The following IL22RA1 variants were observed in gnomAD, a reference collection of about 807,000 sequenced individuals.
IL22RA1 encodes the protein interleukin 22 receptor subunit alpha 1, also known as interleukin-22 receptor subunit alpha-1.
A neutral mutation model predicts 32.8 loss-of-function variants in IL22RA1; 25 were observed. The ratio of observed to expected loss-of-function variants is 0.76; its 90% CI spans 0.55 to 1.06. The LOEUF (loss-of-function observed/expected upper bound fraction) is 1.06, where lower values mean the gene tolerates loss of function less well. IL22RA1 is among the 50% of genes least tolerant of loss of function. IL22RA1 has a pLI of 0.00. For missense variants in IL22RA1, 709 were observed against 727.4 expected (o/e 0.97, Z 0.29); for synonymous variants, 305 against 305.0 (o/e 1.00, Z 0.00).
intron 4 of IL22RA1, among the ~76,000 whole-genome samples, chr1:24,129,000 C>T (rs1050174155): frequency 1.3e-5 from 2 of 152,176 alleles, no homozygotes; most frequent in African/African-American, 4.8e-5. Flanking sequence ...ATACCTGCCA[C>T]TCGGGTAAAC....
chr1:24,138,809 A>C, intron 1 of IL22RA1, 95 bp from the exon 2 acceptor site: 81 of 1,443,514 alleles, frequency 5.6e-5, no homozygotes, highest in Non-Finnish European at 7.2e-5. Flanking sequence ...TATAAATTTC[A>C]TGCAAAGTGC....
intron 1 of IL22RA1, among the ~76,000 whole-genome samples, 190 bp from the exon 2 acceptor site, chr1:24,138,904 GCT>G (rs1438566102): frequency 6.6e-6 from 1 of 152,236 alleles, no homozygotes; most frequent in Non-Finnish European, 1.5e-5. Context: ...AAGAGGGGAT[GCT>G]CCCCACGCTG....
chr1:24,133,940 A>G (rs1644224309), intron 4 of IL22RA1, among the ~76,000 whole-genome samples: 1 of 152,122 alleles, frequency 6.6e-6, no homozygotes, highest in Non-Finnish European at 1.5e-5. Context: ...TAAATAAAAA[A>G]CAAAACAAAA....
chr1:24,134,671 A>G (rs889724704), intron 3 of IL22RA1, among the ~76,000 whole-genome samples: 5 of 152,102 alleles, frequency 3.3e-5, no homozygotes, highest in African/African-American at 1.2e-4. Flanking sequence ...GCTTGCCCCC[A>G]CACATCCCAG....
chr1:24,123,483 T>G, intron 5 of IL22RA1, 60 bp from the exon 6 acceptor site: 1 of 1,580,490 alleles, frequency 6.3e-7, no homozygotes, highest in Non-Finnish European at 8.6e-7. Flanking sequence ...TGGGCCCGGT[T>G]GGGTCTGGCC....
intron 1 of IL22RA1, among the ~76,000 whole-genome samples, chr1:24,139,965 T>C (rs1644269339): frequency 6.6e-6 from 1 of 152,234 alleles, no homozygotes; most frequent in South Asian, 2.1e-4. Flanking sequence ...GAGGCGCTCT[T>C]GACTGAGCCC....
Position 24,123,479 on chromosome 1 carries a change from C to T in IL22RA1, c.671-56G>A, listed in dbSNP as rs565771936. ...CGTGAGGCTGGGCTCTGCCTGGGCC[C>T]GGTTGGGTCTGGCCCCACATGTGGA... is the stretch of plus-strand genomic sequence containing the variant. On this transcript the variant is annotated intron_variant, in intron 5 of 6. Coordinates refer to ENST00000270800, the MANE Select transcript of IL22RA1 (RefSeq NM_021258.4). 4.7e-4 allele frequency: 746 copies of T among 1,585,446 alleles called. 9 individuals carry two copies. In the South Asian group the frequency reaches 6.0e-3, roughly 13 times the overall value.
intron 4 of IL22RA1, among the ~76,000 whole-genome samples, chr1:24,129,413 A>T (rs1644187939): frequency 6.6e-6 from 1 of 152,216 alleles, no homozygotes; most frequent in South Asian, 2.1e-4. Flanking sequence ...CTAAGTCAAC[A>T]TGTCCGAACA....
In IL22RA1 at chr1:24,141,693, C is replaced by T. The variant is rs2148577035; in HGVS notation, c.43+1347G>A. Reference sequence around the variant, plus strand: ...TTCTCCCACCCTCCTCGCTCCTTTTCCTCCTCAAATCTATCATCCATTCCT... The same window carrying T: ...TTCTCCCACCCTCCTCGCTCCTTTTTCTCCTCAAATCTATCATCCATTCCT... On this transcript the variant is annotated intron_variant, in intron 1 of 6. Transcript: ENST00000270800. 1.3e-5 allele frequency among the ~76,000 whole-genome samples: 2 copies of T among 152,296 alleles called. 1 individual carries two copies. The highest frequency in any genetic ancestry group is 4.1e-4 in the South Asian group (2 of 4,826).
chr1:24,123,417 G>A lies in IL22RA1; in HGVS notation c.677C>T (p.Thr226Ile). The A allele has an allele frequency of 3.7e-6, 6 of 1,613,362 alleles. No individual in the cohort carries two copies. Among genetic ancestry groups the A allele is most frequent in the Non-Finnish European group, 5.1e-6 (6 of 1,179,724 alleles). ...GGCTCCGGAGAAGGAGTAGGTCCAT[G>A]TCCGGTCTGGGAAACCAAAGGGGCC... ...MCRVKTLPDR[T>I]WTYSFSGAFL... The change falls in exon 6 of 7, where the codon ACA (threonine) becomes ATA (isoleucine). Residue 226 changes from threonine (T) to isoleucine (I), a missense_variant. Transcript: ENST00000270800.
At chr1:24,139,935 C>A (rs1644269190) in intron 1 of IL22RA1, among the ~76,000 whole-genome samples, 1 of 152,202 alleles carries the variant, frequency 6.6e-6, no homozygotes, top group Admixed American at 6.5e-5. Context: ...CCAAGTTGAT[C>A]AGATGAAGCA....
At chr1:24,138,499 A>C in intron 2 of IL22RA1, 83 bp downstream of exon 2, 9 of 1,464,478 alleles carry the variant, frequency 6.1e-6, no homozygotes, top group Non-Finnish European at 8.6e-6. Context: ...GGGACATGGG[A>C]ACATATGGAG....
At chr1:24,139,822 T>G (rs1463792964) in intron 1 of IL22RA1, among the ~76,000 whole-genome samples, 4 of 152,372 alleles carry the variant, frequency 2.6e-5, no homozygotes, top group African/African-American at 9.6e-5. Flanking sequence ...TCGCCATTGA[T>G]GCTTGGTATT....
intron 5 of IL22RA1, 98 bp downstream of exon 5, chr1:24,128,043 G>T: frequency 8.1e-7 from 1 of 1,240,320 alleles, no homozygotes; most frequent in Non-Finnish European, 1.1e-6. Context: ...TGGTTTTCTA[G>T]AGTGTTGCCA....
At chr1:24,125,455 C>T (rs1476907481) in intron 5 of IL22RA1, among the ~76,000 whole-genome samples, 1 of 152,206 alleles carries the variant, frequency 6.6e-6, no homozygotes, top group Non-Finnish European at 1.5e-5. Context: ...CTGTGACCCT[C>T]CCTGTTTATC....
intron 3 of IL22RA1, among the ~76,000 whole-genome samples, chr1:24,135,297 C>T (rs1251194996): frequency 2.6e-5 from 4 of 152,148 alleles, no homozygotes; most frequent in African/African-American, 4.8e-5. Flanking sequence ...AAAGTAGATA[C>T]GGCTGCTAGT....
At position 24,138,673 on chromosome 1, in the gene IL22RA1, T is replaced by G; in HGVS notation, c.85A>C (p.Lys29Gln). 1.2e-6 allele frequency: 2 copies of G among 1,614,214 alleles called. No homozygotes were observed. Among genetic ancestry groups the G allele is most frequent in the Non-Finnish European group, 1.7e-6 (2 of 1,180,044 alleles). Residue 29 changes from lysine to glutamine, a missense_variant, in exon 2 of 7, where the codon AAA becomes CAA. Physicochemically the swap from Lys to Gln is moderately conservative, Grantham distance 53 (BLOSUM62 1). Coordinates refer to ENST00000270800, the MANE Select transcript of IL22RA1 (RefSeq NM_021258.4). The part of the protein sequence containing the change: ...EDPSDLLQHV[K>Q]FQSSNFENIL... Reference sequence around the variant, plus strand: ...TTTTCAAAGTTGCTGGACTGGAATTTCACGTGCTGGAGCAGATCCGAGGGG... The same window carrying G: ...TTTTCAAAGTTGCTGGACTGGAATTGCACGTGCTGGAGCAGATCCGAGGGG...
chr1:24,141,286 G>A (rs1270334773), intron 1 of IL22RA1, among the ~76,000 whole-genome samples: 1 of 152,206 alleles, frequency 6.6e-6, no homozygotes, highest in Non-Finnish European at 1.5e-5. Flanking sequence ...CTGGATTCAG[G>A]GCTGAGTCTA....
At chr1:24,128,708 C>T (rs1178646432) in intron 4 of IL22RA1, among the ~76,000 whole-genome samples, 1 of 151,966 alleles carries the variant, frequency 6.6e-6, no homozygotes, top group African/African-American at 2.4e-5. Context: ...TCTTTCTTTC[C>T]TCATTGCTTC....
Sources: gnomAD v4.1 joint callset for allele counts (sites outside exome capture counted in the v4.1 genomes callset) on GRCh38, gnomAD v4.1.1 for gene constraint, MANE v1.5 for transcripts, NCBI Gene and HGNC (gene_info 2026-07-23, HGNC 2026-07-21) for gene names.